The following SGPL1 variants were observed in gnomAD, a reference collection of about 807,000 sequenced individuals.
SGPL1 encodes sphingosine-1-phosphate lyase 1.
Under a neutral mutation model 68.9 loss-of-function variants are expected in SGPL1, and 37 were observed. The observed-to-expected ratio is 0.54, with a 90% CI of 0.41 to 0.71. The LOEUF (loss-of-function observed/expected upper bound fraction) is 0.71. SGPL1 is among the 30% of genes least tolerant of loss of function. The pLI, the probability that SGPL1 is intolerant of heterozygous loss-of-function variation, is 0.00. For missense variants in SGPL1, 551 were observed against 704.6 expected, an observed-to-expected ratio of 0.78 and a Z score of 2.47; for synonymous variants, 236 against 248.5, an observed-to-expected ratio of 0.95 and a Z score of 0.47.
At chr10:70,867,291 A>T (rs1041515965) in intron 7 of SGPL1, among the ~76,000 whole-genome samples, 4 of 152,170 alleles carry the variant, frequency 2.6e-5, no homozygotes, top group African/African-American at 7.2e-5. Context: ...GGCCAGGTGC[A>T]GTGGCTCACA....
chr10:70,821,171 T>G (rs1845332267), intron 2 of SGPL1, among the ~76,000 whole-genome samples: 1 of 152,238 alleles, frequency 6.6e-6, no homozygotes, highest in Non-Finnish European at 1.5e-5. Context: ...CTGTGTCTCA[T>G]AGAGAATAAA....
chr10:70,862,583 C>T lies in SGPL1; in HGVS notation c.615+3084C>T, dbSNP rs111860403. Among the ~76,000 whole-genome samples the T allele has an allele frequency of 2.0e-3, 312 of 152,258 alleles. 3 individuals are homozygous for T. The highest frequency in any genetic ancestry group is 7.1e-3 in the South Asian group (34 of 4,814). On this transcript the variant is annotated intron_variant, in intron 7 of 14. Coordinates refer to ENST00000373202, the MANE Select transcript of SGPL1 (RefSeq NM_003901.4). Reference sequence around the variant, plus strand: ...TGCTACTGCTCACTCTTTGGGTCCACGCTGCTTTTATGAGCTGTGACACTC... The same window carrying T: ...TGCTACTGCTCACTCTTTGGGTCCATGCTGCTTTTATGAGCTGTGACACTC...
intron 2 of SGPL1, among the ~76,000 whole-genome samples, chr10:70,832,771 T>TC (rs1215698301): frequency 6.6e-6 from 1 of 152,164 alleles, no homozygotes; most frequent in Non-Finnish European, 1.5e-5. Context: ...TGCATATTTT[T>TC]CCCCCCATAT....
rs1846439669 is a variant in SGPL1 at position 70,878,497 on chromosome 10, G to C, written c.*1162G>C. ...CACACCTGAACCCTATCCTGGGCTG[G>C]TGATGAGCAGAAATCAGACCTTTTT... On this transcript the variant is annotated 3_prime_UTR_variant, in exon 15 of 15. Coordinates refer to ENST00000373202, the MANE Select transcript of SGPL1 (RefSeq NM_003901.4). 6.6e-6 allele frequency: 1 copy of C among 152,228 alleles called. No individual in the cohort carries two copies. The highest frequency in any genetic ancestry group is 2.4e-5 in the African/African-American group (1 of 41,452). The allele number at this position is 152,228 out of a possible 1,614,324, so 9.4% of individuals were successfully genotyped here. A position where few individuals can be genotyped will look rare whatever the true frequency, so the allele number is the denominator to read the frequency against.
intron 9 of SGPL1, among the ~76,000 whole-genome samples, chr10:70,870,528 C>T (rs953095140): frequency 7.3e-5 from 11 of 151,374 alleles, no homozygotes. Flanking sequence ...AAAAGACTCT[C>T]ACTGTGGTTT....
intron 2 of SGPL1, among the ~76,000 whole-genome samples, chr10:70,833,490 G>C (rs1490759188): frequency 6.6e-6 from 1 of 152,156 alleles, no homozygotes; most frequent in African/African-American, 2.4e-5. Flanking sequence ...TGACCCAAGA[G>C]GATTTTCCCT....
In SGPL1 at chr10:70,873,503, T is replaced by C. The variant is rs1156698234; in HGVS notation, c.1212T>C (p.Cys404=). The C allele has an allele frequency of 1.2e-6, 2 of 1,614,102 alleles. No homozygotes were observed. Among genetic ancestry groups the C allele is most frequent in the East Asian group, 2.2e-5 (1 of 44,898 alleles). The change falls in exon 12 of 15, where the codon TGT becomes TGC. Residue 404 remains cysteine, a synonymous_variant. Coordinates refer to ENST00000373202, the MANE Select transcript of SGPL1 (RefSeq NM_003901.4). ...GGCCTGGTGGCATTAGCGCAGCCTG[T>C]TGGGCTGCCTTGATGCACTTCGGTG... The part of the protein sequence containing the change: ...GSRPGGISAA[C]WAALMHFGEN...
At chr10:70,832,330 T>C (rs552198542) in intron 2 of SGPL1, among the ~76,000 whole-genome samples, 1 of 152,292 alleles carries the variant, frequency 6.6e-6, no homozygotes, top group African/African-American at 2.4e-5. Flanking sequence ...TCTAGAGAAA[T>C]AGCTTTAGTT....
intron 3 of SGPL1, among the ~76,000 whole-genome samples, chr10:70,850,938 G>A (rs1306430547): frequency 6.6e-6 from 1 of 152,108 alleles, no homozygotes; most frequent in Non-Finnish European, 1.5e-5. Flanking sequence ...TGTGTTATGT[G>A]TTTGTATTTT....
Position 70,844,637 on chromosome 10 carries a change from G to T in SGPL1, c.192G>T (p.Glu64Asp). The part of the protein sequence containing the change: ...VWGYEFVFQP[E>D]SLWSRFKKKC... ...GATATGAGTTTGTCTTCCAGCCAGA[G>T]AGTAAGTATGCTGTCTCCTCTGTAA... Residue 64 changes from glutamate to aspartate, a missense_variant and splice_region_variant, in exon 3 of 15, where the codon GAG becomes GAT. Glu to Asp is a conservative substitution (Grantham distance 45). Transcript: ENST00000373202. The T allele has an allele frequency of 6.2e-7, 1 of 1,613,694 alleles. No homozygotes were observed. Among genetic ancestry groups the T allele is most frequent in the South Asian group, 1.1e-5 (1 of 91,066 alleles).
chr10:70,863,037 T>C (rs991327013), intron 7 of SGPL1, among the ~76,000 whole-genome samples: 1 of 152,108 alleles, frequency 6.6e-6, no homozygotes, highest in Non-Finnish European at 1.5e-5. Context: ...CAGGCCAGAG[T>C]GTAGTGGTGC....
chr10:70,837,693 G>A (rs536958481), intron 2 of SGPL1, among the ~76,000 whole-genome samples: 2 of 152,234 alleles, frequency 1.3e-5, no homozygotes, highest in South Asian at 4.1e-4. Flanking sequence ...TAGCTCTGAG[G>A]GACTACCTGA....
intron 12 of SGPL1, among the ~76,000 whole-genome samples, chr10:70,874,969 T>TA: frequency 6.6e-6 from 1 of 152,350 alleles, no homozygotes; most frequent in Middle Eastern, 3.4e-3. Flanking sequence ...ATAGCTCTGA[T>TA]AGGGCCATTT....
rs557330558 is a variant in SGPL1, at chr10:70,861,100, C to T, written c.615+1601C>T. Among the ~76,000 whole-genome samples, 6 of 150,676 alleles carry T rather than the reference C, an allele frequency of 4.0e-5. No homozygotes were observed. The South Asian group carries it at 8.4e-4, about 21-fold the overall frequency. Reference sequence around the variant, plus strand: ...CACTTTGTCCATTTCCTGCTCCAGGCCTTCAATCAGCCATTTATCCAAGGA... The same window carrying T: ...CACTTTGTCCATTTCCTGCTCCAGGTCTTCAATCAGCCATTTATCCAAGGA... On this transcript the variant is annotated intron_variant, in intron 7 of 14. Transcript: ENST00000373202.
chr10:70,816,754 G>A (rs1845239136), intron 1 of SGPL1, 57 bp from the exon 2 acceptor site: 8 of 1,207,710 alleles, frequency 6.6e-6, no homozygotes, highest in Non-Finnish European at 8.6e-6. Context: ...GAATCTAGGC[G>A]GGCTGGCGAG....
chr10:70,859,379 A>G lies in SGPL1; in HGVS notation c.495A>G (p.Gly165=). Residue 165 remains glycine, a synonymous_variant, in exon 7 of 15, where the codon GGA becomes GGG. Transcript: ENST00000373202. ...KLTELLVKAY[G]DFAWSNPLHP... The stretch of plus-strand genomic sequence containing the variant: ...CTTGCATTTTTTTGCAGGCTTATGG[A>G]GATTTTGCATGGAGTAACCCCCTGC... 1.3e-6 allele frequency: 2 copies of G among 1,515,830 alleles called. No homozygotes were observed. Among genetic ancestry groups the G allele is most frequent in the South Asian group, 2.7e-5 (2 of 74,614 alleles). 93.9% of individuals were successfully genotyped at this position (1,515,830 alleles called of 1,614,324 possible).
In SGPL1 at chr10:70,833,267, C is replaced by T. The variant is rs137950482; in HGVS notation, c.28-11206C>T. Among the ~76,000 whole-genome samples the T allele has an allele frequency of 6.1e-3, 924 of 152,302 alleles. 5 individuals carry two copies. Among genetic ancestry groups the T allele is most frequent in the African/African-American group, 0.021 (881 of 41,580 alleles). On this transcript the variant is annotated intron_variant, in intron 2 of 14. Transcript: ENST00000373202. ...AGTGTACATATCTGGCAAGGCCAGG[C>T]TAGAAGGGAAAATGTAGACTCTTAA...
intron 2 of SGPL1, among the ~76,000 whole-genome samples, chr10:70,842,101 GTCT>G (rs767972327): frequency 1.3e-5 from 2 of 151,610 alleles, no homozygotes; most frequent in South Asian, 2.1e-4. Flanking sequence ...ATGTAGATCT[GTCT>G]TCTTCTTAAT....
intron 2 of SGPL1, among the ~76,000 whole-genome samples, chr10:70,832,721 A>G (rs1683897): frequency 1 from 152,008 of 152,348 alleles, 75,835 homozygotes; most frequent in Non-Finnish European, 1. Flanking sequence ...TCAGACTCTG[A>G]GAGTTCATAG....
Sources: gnomAD v4.1 joint callset for allele counts (sites outside exome capture counted in the v4.1 genomes callset) on GRCh38, gnomAD v4.1.1 for gene constraint, MANE v1.5 for transcripts, NCBI Gene and HGNC (gene_info 2026-07-23, HGNC 2026-07-21) for gene names.